The following UBASH3B variants were observed in gnomAD, a reference collection of about 807,000 sequenced individuals.
UBASH3B encodes the protein ubiquitin associated and SH3 domain containing B, also known as ubiquitin-associated and SH3 domain-containing protein B.
Under a neutral mutation model 83.4 loss-of-function variants are expected in UBASH3B, and 37 were observed. The ratio of observed to expected loss-of-function variants is 0.44; its 90% CI spans 0.34 to 0.58. The LOEUF is 0.58. UBASH3B is among the 20% of genes least tolerant of loss of function. The pLI is 0.01. For synonymous variants in UBASH3B, 304 were observed against 318.3 expected, an observed-to-expected ratio of 0.96 and a Z score of 0.48; for missense variants, 657 against 827.2, an observed-to-expected ratio of 0.79 and a Z score of 2.52.
chr11:122,657,759 G>T (rs187720765), intron 1 of UBASH3B, among the ~76,000 whole-genome samples: 19 of 152,230 alleles, frequency 1.2e-4, no homozygotes, highest in South Asian at 8.3e-4. Flanking sequence ...GTCCCAATAC[G>T]ACTTCCTAAT....
chr11:122,731,780 A>G (rs1160777554), intron 1 of UBASH3B, among the ~76,000 whole-genome samples: 1 of 152,220 alleles, frequency 6.6e-6, no homozygotes, highest in Non-Finnish European at 1.5e-5. Context: ...ACCCTTGGAA[A>G]GTGAAACCAC....
At chr11:122,808,999 A>G (rs1224892266) in intron 13 of UBASH3B, among the ~76,000 whole-genome samples, 3 of 151,628 alleles carry the variant, frequency 2.0e-5, no homozygotes, top group Non-Finnish European at 4.4e-5. Flanking sequence ...GGTGAAACAA[A>G]TTTTTTCAAA....
chr11:122,770,093 T>C (rs1480724022), intron 1 of UBASH3B, among the ~76,000 whole-genome samples: 1 of 152,224 alleles, frequency 6.6e-6, no homozygotes, highest in African/African-American at 2.4e-5. Context: ...TGCCTTCCCA[T>C]TTCCTAAGTG....
chr11:122,691,540 C>A (rs963409321), intron 1 of UBASH3B, among the ~76,000 whole-genome samples: 1 of 152,282 alleles, frequency 6.6e-6, no homozygotes, highest in Admixed American at 6.5e-5. Flanking sequence ...TTTCTCCCAC[C>A]GGGGTGCTGC....
At position 122,808,171 on chromosome 11, in the gene UBASH3B, C is replaced by G. The variant is rs747674608; in HGVS notation, c.1807C>G (p.Arg603Gly). Residue 603 changes from arginine (R) to glycine (G), a missense_variant, in exon 13 of 14, where the codon CGA becomes GGA. By Grantham distance (125) the Arg-to-Gly change is moderately radical. This residue lies in a region of UBASH3B where 573 missense variants were observed against 739.0 expected (regional missense o/e 0.78). Transcript: ENST00000284273. ...CTCCAAGGACTTCGTACAAATGGTC[C>G]GAAAGGTAATTCATTCTCGTACTTT... ...QNSKDFVQMV[R>G]KIPYLGFCSC... The G allele has an allele frequency of 1.2e-6, 2 of 1,613,774 alleles. No individual in the cohort carries two copies. The highest frequency in any genetic ancestry group is 1.7e-6 in the Non-Finnish European group (2 of 1,179,738).
chr11:122,674,195 C>T (rs530968623), intron 1 of UBASH3B, among the ~76,000 whole-genome samples: 1 of 152,264 alleles, frequency 6.6e-6, no homozygotes, highest in African/African-American at 2.4e-5. Flanking sequence ...GAGATGTAAA[C>T]GGTGCTATGG....
chr11:122,719,352 ATGT>A (rs1860583915), intron 1 of UBASH3B, among the ~76,000 whole-genome samples: 1 of 152,214 alleles, frequency 6.6e-6, no homozygotes, highest in Admixed American at 6.5e-5. Flanking sequence ...TATGTTAGTG[ATGT>A]TTGCAATGGA....
chr11:122,697,415 C>T (rs541635563), intron 1 of UBASH3B, among the ~76,000 whole-genome samples: 1 of 152,278 alleles, frequency 6.6e-6, no homozygotes, highest in East Asian at 1.9e-4. Flanking sequence ...GCATGGGCTA[C>T]AAGAGCAAAA....
chr11:122,783,391 G>A (rs920918688), intron 5 of UBASH3B, among the ~76,000 whole-genome samples, 169 bp downstream of exon 5: 1 of 152,080 alleles, frequency 6.6e-6, no homozygotes, highest in Non-Finnish European at 1.5e-5. Context: ...CTCACTGGGA[G>A]GCTTCCAGCT....
chr11:122,678,194 A>G (rs1288757296), intron 1 of UBASH3B, among the ~76,000 whole-genome samples: 3 of 152,228 alleles, frequency 2.0e-5, no homozygotes. Flanking sequence ...CAATATATGA[A>G]TTTTAAGAGG....
chr11:122,657,451 G>A (rs1015748661), intron 1 of UBASH3B, among the ~76,000 whole-genome samples: 3 of 152,034 alleles, frequency 2.0e-5, no homozygotes, highest in African/African-American at 7.2e-5. Flanking sequence ...ACCACACCGG[G>A]CTAATTTTTA....
At chr11:122,789,700 T>A (rs1417383730) in intron 6 of UBASH3B, among the ~76,000 whole-genome samples, 1 of 152,136 alleles carries the variant, frequency 6.6e-6, no homozygotes, top group Non-Finnish European at 1.5e-5. Context: ...TACCCTGCCA[T>A]CCAGACCAAT....
intron 9 of UBASH3B, among the ~76,000 whole-genome samples, chr11:122,798,311 T>C (rs116097847): frequency 0.012 from 1,898 of 152,260 alleles, 39 homozygotes; most frequent in African/African-American, 0.043. Context: ...CTAATATTCA[T>C]AAAATAAATC....
At chr11:122,767,566 C>T (rs1860570560) in intron 1 of UBASH3B, among the ~76,000 whole-genome samples, 1 of 152,174 alleles carries the variant, frequency 6.6e-6, no homozygotes, top group Non-Finnish European at 1.5e-5. Flanking sequence ...CCGCCTCGGC[C>T]TCCCAAAGTG....
Position 122,812,484 on chromosome 11 carries a change from T to G in UBASH3B, c.*2598T>G, listed in dbSNP as rs1301319029. 2 of 152,216 alleles carry G rather than the reference T, an allele frequency of 1.3e-5. No homozygotes were observed. The highest frequency in any genetic ancestry group is 2.9e-5 in the Non-Finnish European group (2 of 68,044). 9.4% of individuals were successfully genotyped at this position (152,216 alleles called of 1,614,324 possible). Reference sequence around the variant, plus strand: ...TGAAGTTGCAGCTGGTTCTTTTTGATCTGAAGCTGATGCTTATTAAAACAA... The same window carrying G: ...TGAAGTTGCAGCTGGTTCTTTTTGAGCTGAAGCTGATGCTTATTAAAACAA... On this transcript the variant is annotated 3_prime_UTR_variant, in exon 14 of 14. Coordinates refer to ENST00000284273, the MANE Select transcript of UBASH3B (RefSeq NM_032873.5).
intron 4 of UBASH3B, 158 bp from the exon 5 acceptor site, chr11:122,782,895 C>T: frequency 1.2e-6 from 1 of 840,638 alleles, no homozygotes; most frequent in Non-Finnish European, 1.9e-6. Flanking sequence ...CCCCTTACCC[C>T]CTTATTCTAC....
intron 1 of UBASH3B, among the ~76,000 whole-genome samples, chr11:122,754,882 G>C (rs1203866811): frequency 1.3e-5 from 2 of 152,182 alleles, no homozygotes; most frequent in East Asian, 3.9e-4. Flanking sequence ...TACCGCTAGT[G>C]ACAGAGCAGG....
chr11:122,702,645 C>T (rs1205525242), intron 1 of UBASH3B, among the ~76,000 whole-genome samples: 2 of 151,980 alleles, frequency 1.3e-5, no homozygotes, highest in Non-Finnish European at 2.9e-5. Flanking sequence ...CTGCTTCAGC[C>T]TCTCGAGTAG....
rs182442058 is a variant in UBASH3B at position 122,657,758 on chromosome 11, C to T, written c.161+1548C>T. Among the ~76,000 whole-genome samples, 26 of 152,230 alleles carry T rather than the reference C, an allele frequency of 1.7e-4. No homozygotes were observed. In the East Asian group the frequency reaches 4.4e-3, roughly 26 times the overall value. ...TCTGCCTTCCACTGACGTCCCAATACGACTTCCTAATACTAGGGCTCCAGT... is the reference window on the plus strand; with the variant it reads ...TCTGCCTTCCACTGACGTCCCAATATGACTTCCTAATACTAGGGCTCCAGT... On this transcript the variant is annotated intron_variant, in intron 1 of 13. Coordinates refer to ENST00000284273, the MANE Select transcript of UBASH3B (RefSeq NM_032873.5).
Sources: allele counts gnomAD v4.1 joint callset (sites outside exome capture counted in the v4.1 genomes callset), GRCh38; gene constraint gnomAD v4.1.1; regional missense constraint gnomAD v4.1.1; transcripts MANE v1.5; gene names NCBI Gene and HGNC (gene_info 2026-07-23, HGNC 2026-07-21).